KCNN1: variants seen among roughly 807,000 people sequenced by gnomAD.
KCNN1 encodes potassium calcium-activated channel subfamily N member 1, also known as small conductance calcium-activated potassium channel protein 1.
In KCNN1, 20 loss-of-function variants were observed where a neutral mutation model predicts 44.7. The ratio of observed to expected loss-of-function variants is 0.45; its 90% CI spans 0.32 to 0.65. KCNN1 has a LOEUF of 0.65. KCNN1 is among the 30% of genes least tolerant of loss of function. KCNN1 has a pLI of 0.05. For missense variants in KCNN1, 632 were observed against 785.3 expected, an observed-to-expected ratio of 0.80 and a Z score of 2.33; for synonymous variants, 324 against 341.7, an observed-to-expected ratio of 0.95 and a Z score of 0.57.
intron 2 of KCNN1, among the ~76,000 whole-genome samples, chr19:17,957,098 GGAGGGAGGGACA>G (rs1472931483): frequency 6.7e-6 from 1 of 148,606 alleles, no homozygotes; most frequent in East Asian, 2.0e-4. Flanking sequence ...AGAAAGGGAG[GGAGGGAGGGACA>G]GAGGGAGGGA....
At chr19:17,958,990 A>G (rs898655189) in intron 2 of KCNN1, among the ~76,000 whole-genome samples, 11 of 142,482 alleles carry the variant, frequency 7.7e-5, no homozygotes, top group African/African-American at 2.9e-4. Flanking sequence ...GTGAGCCACC[A>G]CGTCCAGCCC....
At position 17,998,725 on chromosome 19, in the gene KCNN1, T is replaced by A. The variant is rs931372039; in HGVS notation, c.*319T>A. On this transcript the variant is annotated 3_prime_UTR_variant, in exon 10 of 10. Transcript: ENST00000684775. The surrounding 1 kb of genome is among the most constrained non-coding windows in gnomAD (Gnocchi z 5.4). ...CCCGCCTAGTGGCTGCCTGTGTGCA[T>A]GGCTGGAAGGCACTGGTGATGTCCC... 7.1e-6 allele frequency: 2 copies of A among 281,544 alleles called. No homozygotes were observed. The highest frequency in any genetic ancestry group is 4.4e-5 in the African/African-American group (2 of 45,408). The allele number at this position is 281,544 out of a possible 1,614,324, so 17.4% of individuals were successfully genotyped here. A position where few individuals can be genotyped will look rare whatever the true frequency, so the allele number is the denominator to read the frequency against.
At chr19:17,991,913 G>A (rs2032809368) in intron 7 of KCNN1, among the ~76,000 whole-genome samples, 1 of 152,164 alleles carries the variant, frequency 6.6e-6, no homozygotes, top group Non-Finnish European at 1.5e-5. Flanking sequence ...TTCCAAGACA[G>A]GCGGCCGGCT....
intron 5 of KCNN1, 89 bp downstream of exon 5, chr19:17,985,542 G>A: frequency 8.0e-7 from 1 of 1,251,390 alleles, no homozygotes; most frequent in Non-Finnish European, 1.1e-6. Context: ...CTGACAGGGT[G>A]CTCATCCCAT....
At chr19:17,961,411 T>C (rs951766611) in intron 2 of KCNN1, among the ~76,000 whole-genome samples, 3 of 151,760 alleles carry the variant, frequency 2.0e-5, no homozygotes, top group African/African-American at 4.8e-5. Context: ...ACCTCGTCTC[T>C]ACATTTAAAA....
At chr19:17,965,283 A>G (rs1390911085), upstream of KCNN1, among the ~76,000 whole-genome samples, 1 of 151,764 alleles carries the variant, frequency 6.6e-6, no homozygotes, top group Non-Finnish European at 1.5e-5. Context: ...CAAAAAAAAA[A>G]AAAGAAAGAA....
At chr19:17,952,339 G>C (rs2031434564) in intron 1 of KCNN1, 1 of 152,498 alleles carries the variant, frequency 6.6e-6, no homozygotes, top group South Asian at 2.1e-4. Flanking sequence ...ACTCCGGCCG[G>C]TGAGTGGCAG....
chr19:17,997,133 C>G (rs968237255), intron 9 of KCNN1, among the ~76,000 whole-genome samples: 37 of 152,210 alleles, frequency 2.4e-4, no homozygotes, highest in Admixed American at 2.0e-3. Flanking sequence ...GGATGCCCCA[C>G]TGGCTGCTGT....
intron 1 of KCNN1, among the ~76,000 whole-genome samples, chr19:17,968,727 A>T (rs1021486106): frequency 1.3e-5 from 2 of 152,022 alleles, no homozygotes; most frequent in Non-Finnish European, 2.9e-5. Flanking sequence ...GTGTGTCTCC[A>T]GGGAGGGTGT....
At chr19:17,969,639 G>T (rs77850663) in intron 1 of KCNN1, among the ~76,000 whole-genome samples, 2 of 152,192 alleles carry the variant, frequency 1.3e-5, no homozygotes, top group Non-Finnish European at 2.9e-5. Context: ...TGGCCCATGC[G>T]TCGGGTGGCT....
At chr19:17,997,989 G>A (rs974314700) in intron 9 of KCNN1, among the ~76,000 whole-genome samples, 163 bp from the exon 10 acceptor site, 28 of 151,812 alleles carry the variant, frequency 1.8e-4, no homozygotes, top group African/African-American at 1.9e-4. Context: ...GGGACCTCTG[G>A]GGCTGGGGGT....
chr19:17,961,221 A>C (rs1386826888), intron 2 of KCNN1, among the ~76,000 whole-genome samples: 2 of 148,480 alleles, frequency 1.3e-5, no homozygotes, highest in Non-Finnish European at 3.0e-5. Context: ...GAAACCAGTT[A>C]TTAGATCAGA....
In KCNN1 at chr19:17,993,041, C is replaced by G; in HGVS notation, c.1299-13C>G. 1 of 1,613,604 alleles carries G rather than the reference C, an allele frequency of 6.2e-7. No homozygotes were observed. The highest frequency in any genetic ancestry group is 8.5e-7 in the Non-Finnish European group (1 of 1,179,740). On this transcript the variant is annotated splice_polypyrimidine_tract_variant and intron_variant, in intron 7 of 9. Coordinates refer to ENST00000684775, the MANE Select transcript of KCNN1 (RefSeq NM_001386974.1). This position sits in a 1 kb window ranked among gnomAD's most constrained non-coding sequence, Gnocchi z 4.5. ...CCTTGTGATTTTTCTCCTGCTCTGC[C>G]CGGTCCTGCCAGGGCTCAGAAGTAA... is the stretch of plus-strand genomic sequence containing the variant.
rs192061585 is a variant in KCNN1 at position 17,998,630 on chromosome 19, T to C, written c.*224T>C. ...TCCTCTGGTCACCTGGTCCCCCGACTCTCCCCAGGCCCCCGGTGGGCATGG... is the reference window on the plus strand; with the variant it reads ...TCCTCTGGTCACCTGGTCCCCCGACCCTCCCCAGGCCCCCGGTGGGCATGG... On this transcript the variant is annotated 3_prime_UTR_variant, in exon 10 of 10. Transcript: ENST00000684775. This position sits in a 1 kb window ranked among gnomAD's most constrained non-coding sequence, Gnocchi z 5.4. 2,854 of 472,738 alleles carry C rather than the reference T, an allele frequency of 6.0e-3. 16 individuals are homozygous for C. The highest frequency in any genetic ancestry group is 9.1e-3 in the Non-Finnish European group (2,486 of 273,600). The allele number at this position is 472,738 out of a possible 1,614,324, so 29.3% of individuals were successfully genotyped here.
chr19:17,982,937 G>A (rs1420297265), intron 4 of KCNN1, among the ~76,000 whole-genome samples: 1 of 152,102 alleles, frequency 6.6e-6, no homozygotes, highest in African/African-American at 2.4e-5. Context: ...CTACTCGGGA[G>A]CCTGAGGCAG....
At chr19:17,964,003 C>T (rs1325600593), upstream of KCNN1, among the ~76,000 whole-genome samples, 1 of 152,056 alleles carries the variant, frequency 6.6e-6, no homozygotes, top group Non-Finnish European at 1.5e-5. This position sits in a 1 kb window ranked among gnomAD's most constrained non-coding sequence, Gnocchi z 4.3. Flanking sequence ...AGAGGGTTGT[C>T]CCCCTCTTCT....
In KCNN1 at chr19:17,993,160, A is replaced by C; in HGVS notation, c.1307+98A>C. 1 of 1,435,344 alleles carries C rather than the reference A, an allele frequency of 7.0e-7. No homozygotes were observed. Among genetic ancestry groups the C allele is most frequent in the Non-Finnish European group, 9.7e-7 (1 of 1,028,102 alleles). The allele number at this position is 1,435,344 out of a possible 1,614,324, so 88.9% of individuals were successfully genotyped here. ...CCCGGGGCATGCCAACCCCAGCCTC[A>C]GAGGCGGGCAGGGTTCACATCTGCC... On this transcript the variant is annotated intron_variant, in intron 8 of 9. Transcript: ENST00000684775. This position sits in a 1 kb window ranked among gnomAD's most constrained non-coding sequence, Gnocchi z 4.5.
intron 9 of KCNN1, among the ~76,000 whole-genome samples, chr19:17,997,356 C>A (rs1000559553): frequency 1.3e-5 from 2 of 152,166 alleles, no homozygotes; most frequent in Non-Finnish European, 2.9e-5. Context: ...CCCCAAACAT[C>A]CCCCAGGTCT....
chr19:17,969,986 C>T, intron 1 of KCNN1, among the ~76,000 whole-genome samples: 1 of 152,196 alleles, frequency 6.6e-6, no homozygotes, highest in Middle Eastern at 3.2e-3. Flanking sequence ...TGTGAGGTTA[C>T]GGAAAGATCA....
Sources: gnomAD v4.1 joint callset for allele counts (sites outside exome capture counted in the v4.1 genomes callset) on GRCh38, gnomAD v4.1.1 for gene constraint, Gnocchi (gnomAD v3.1) non-coding constraint, MANE v1.5 for transcripts, NCBI Gene and HGNC (gene_info 2026-07-23, HGNC 2026-07-21) for gene names.